TRIB1: variants seen among roughly 807,000 people sequenced by gnomAD.
The protein encoded by TRIB1 is tribbles pseudokinase 1, also known as tribbles homolog 1.
TRIB1 carries 12 observed loss-of-function variants against 27.8 expected under a neutral mutation model. The ratio of observed to expected loss-of-function variants is 0.43; its 90% CI spans 0.28 to 0.70. The LOEUF is 0.70. Ranked by LOEUF, TRIB1 falls within the 30% of genes least tolerant of loss-of-function variation. The probability of loss-of-function intolerance (pLI) is 0.18; values close to 1 mark genes in which losing one functional copy is unlikely to be tolerated. For missense variants in TRIB1, 475 were observed against 515.8 expected (o/e 0.92, Z 0.77); for synonymous variants, 230 against 224.9 (o/e 1.02, Z -0.20).
At position 125,431,065 on chromosome 8, in the gene TRIB1, A is replaced by G; in HGVS notation, c.163A>G (p.Ser55Gly). The part of the protein sequence containing the change: ...AKCPRLSECS[S>G]PPDYLSPPGS... ...GTGCCCGCGCCTCTCCGAGTGCTCCAGCCCCCCGGACTACCTCAGCCCCCC... is the reference window on the plus strand; with the variant it reads ...GTGCCCGCGCCTCTCCGAGTGCTCCGGCCCCCCGGACTACCTCAGCCCCCC... Residue 55 changes from serine to glycine, a missense_variant, in exon 1 of 3, where the codon AGC becomes GGC. Physicochemically the swap from Ser to Gly is moderately conservative, Grantham distance 56. Transcript: ENST00000311922. 7.0e-7 allele frequency: 1 copy of G among 1,436,826 alleles called. No individual in the cohort carries two copies. The highest frequency in any genetic ancestry group is 9.1e-7 in the Non-Finnish European group (1 of 1,102,258). The allele number at this position is 1,436,826 out of a possible 1,614,324, so 89.0% of individuals were successfully genotyped here.
intron 1 of TRIB1, chr8:125,432,350 G>A: frequency 1.3e-6 from 1 of 764,578 alleles, no homozygotes; most frequent in Non-Finnish European, 1.6e-6. Context: ...GGGATGGGAT[G>A]GGATGGGGTG....
rs1410324601 is a variant in TRIB1 at position 125,436,407 on chromosome 8, G to A, written c.1055G>A (p.Gly352Glu). The part of the protein sequence containing the change: ...LEPGYIDSEI[G>E]TSDQIVPEYQ... ...CCCGGGTACATCGACTCAGAAATAG[G>A]AACTTCAGACCAGATTGTTCCAGAG... Residue 352 changes from glycine to glutamate, a missense_variant, in exon 3 of 3, where the codon GGA (glycine) becomes GAA (glutamate). Transcript: ENST00000311922. 6.2e-7 allele frequency: 1 copy of A among 1,613,698 alleles called. No individual in the cohort carries two copies. Among genetic ancestry groups the A allele is most frequent in the Non-Finnish European group, 8.5e-7 (1 of 1,180,026 alleles).
At chr8:125,432,032 C>G (rs900540304) in intron 1 of TRIB1, among the ~76,000 whole-genome samples, 2 of 152,186 alleles carry the variant, frequency 1.3e-5, no homozygotes, top group Non-Finnish European at 2.9e-5. Flanking sequence ...AGAACGTTCC[C>G]ACAGTCTACT....
Position 125,433,664 on chromosome 8 carries a change from A to G in TRIB1, c.653+55A>G. On this transcript the variant is annotated intron_variant, in intron 2 of 2. Transcript: ENST00000311922. The surrounding 1 kb of genome is among the most constrained non-coding windows in gnomAD (Gnocchi z 4.4). Reference sequence around the variant, plus strand: ...CCTTTTGGAACCAAAGCGGAGGTGCAGGTCATGTAGTTAGGTGCTGTGTGT... The same window carrying G: ...CCTTTTGGAACCAAAGCGGAGGTGCGGGTCATGTAGTTAGGTGCTGTGTGT... 1.3e-6 allele frequency: 2 copies of G among 1,571,334 alleles called. No individual in the cohort carries two copies. The highest frequency in any genetic ancestry group is 1.7e-6 in the Non-Finnish European group (2 of 1,155,252).
At position 125,433,666 on chromosome 8, in the gene TRIB1, G is replaced by T. The variant is rs914954943; in HGVS notation, c.653+57G>T. ...TTTTGGAACCAAAGCGGAGGTGCAG[G>T]TCATGTAGTTAGGTGCTGTGTGTTG... On this transcript the variant is annotated intron_variant, in intron 2 of 2. Coordinates refer to ENST00000311922, the MANE Select transcript of TRIB1 (RefSeq NM_025195.4). The surrounding 1 kb of genome is among the most constrained non-coding windows in gnomAD (Gnocchi z 4.4). 1.3e-6 allele frequency: 2 copies of T among 1,570,338 alleles called. No homozygotes were observed. Among genetic ancestry groups the T allele is most frequent in the Non-Finnish European group, 1.7e-6 (2 of 1,154,662 alleles).
In TRIB1 at chr8:125,437,296, T is replaced by C. The variant is rs1814772426; in HGVS notation, c.*825T>C. On this transcript the variant is annotated 3_prime_UTR_variant, in exon 3 of 3. Coordinates refer to ENST00000311922, the MANE Select transcript of TRIB1 (RefSeq NM_025195.4). Reference sequence around the variant, plus strand: ...TAGCTTTTTAAGTTCCTTCCAAATATGTTAGTACCTACCCTTTACTTTTTC... The same window carrying C: ...TAGCTTTTTAAGTTCCTTCCAAATACGTTAGTACCTACCCTTTACTTTTTC... 6.6e-6 allele frequency: 1 copy of C among 152,392 alleles called. No individual in the cohort carries two copies. The highest frequency in any genetic ancestry group is 1.5e-5 in the Non-Finnish European group (1 of 68,060). The allele number at this position is 152,392 out of a possible 1,614,324, so 9.4% of individuals were successfully genotyped here.
chr8:125,436,705 ACTATCTCTG>A lies in TRIB1; in HGVS notation c.*237_*245del. ...TGTTTCCCTTAAGGAACCCTCACCA[ACTATCTCTG>A]CTGGATTTGGGAGTTCCGCATCTTT... On this transcript the variant is annotated 3_prime_UTR_variant, in exon 3 of 3. Coordinates refer to ENST00000311922, the MANE Select transcript of TRIB1 (RefSeq NM_025195.4). 2 of 575,806 alleles carry A rather than the reference ACTATCTCTG, an allele frequency of 3.5e-6. No homozygotes were observed. Among genetic ancestry groups the A allele is most frequent in the Non-Finnish European group, 6.2e-6 (2 of 324,180 alleles). The allele number at this position is 575,806 out of a possible 1,614,324, so 35.7% of individuals were successfully genotyped here.
At position 125,431,099 on chromosome 8, in the gene TRIB1, C is replaced by G; in HGVS notation, c.197C>G (p.Pro66Arg). 1 of 1,358,834 alleles carries G rather than the reference C, an allele frequency of 7.4e-7. No homozygotes were observed. Among genetic ancestry groups the G allele is most frequent in the Non-Finnish European group, 9.4e-7 (1 of 1,062,970 alleles). The allele number at this position is 1,358,834 out of a possible 1,614,324, so 84.2% of individuals were successfully genotyped here. ...PPDYLSPPGS[P>R]CSPQPPPAAP... ...GACTACCTCAGCCCCCCCGGCTCGCCCTGCAGCCCGCAGCCCCCGCCTGCC... is the reference window on the plus strand; with the variant it reads ...GACTACCTCAGCCCCCCCGGCTCGCGCTGCAGCCCGCAGCCCCCGCCTGCC... The change falls in exon 1 of 3, where the codon CCC (proline) becomes CGC (arginine). Residue 66 changes from proline (P) to arginine (R), a missense_variant. Coordinates refer to ENST00000311922, the MANE Select transcript of TRIB1 (RefSeq NM_025195.4).
Position 125,436,435 on chromosome 8 carries a change from C to T in TRIB1, c.1083C>T (p.Tyr361=). The T allele has an allele frequency of 1.2e-6, 2 of 1,613,998 alleles. No individual in the cohort carries two copies. The highest frequency in any genetic ancestry group is 8.5e-7 in the Non-Finnish European group (1 of 1,180,008). ...IGTSDQIVPE[Y]QEDSDISSFF... is the part of the protein sequence containing the mutation. The stretch of plus-strand genomic sequence containing the variant: ...CTTCAGACCAGATTGTTCCAGAGTA[C>T]CAGGAGGACAGTGACATTAGTTCCT... The change falls in exon 3 of 3, where the codon TAC becomes TAT. Residue 361 remains tyrosine (Y), a synonymous_variant. Coordinates refer to ENST00000311922, the MANE Select transcript of TRIB1 (RefSeq NM_025195.4).
rs1291470094 is a variant in TRIB1, at chr8:125,430,383, G to C, written c.-520G>C. 6.5e-6 allele frequency: 1 copy of C among 153,458 alleles called. No homozygotes were observed. Among genetic ancestry groups the C allele is most frequent in the African/African-American group, 2.4e-5 (1 of 41,474 alleles). 9.5% of individuals were successfully genotyped at this position (153,458 alleles called of 1,614,324 possible). A position where few individuals can be genotyped will look rare whatever the true frequency, so the allele number is the denominator to read the frequency against. On this transcript the variant is annotated 5_prime_UTR_variant, in exon 1 of 3. Transcript: ENST00000311922. Reference sequence around the variant, plus strand: ...ACACTCACTCACAGTCACTCTCTCTGAGCGCGTCTCGCTCGCTCTCATACA... The same window carrying C: ...ACACTCACTCACAGTCACTCTCTCTCAGCGCGTCTCGCTCGCTCTCATACA...
intron 2 of TRIB1, among the ~76,000 whole-genome samples, chr8:125,435,455 C>T (rs1407273208): frequency 6.6e-6 from 1 of 152,172 alleles, no homozygotes; most frequent in African/African-American, 2.4e-5. Flanking sequence ...ACAAAGTTTG[C>T]TCTGTGTGCA....
rs139480088 is a variant in TRIB1, at chr8:125,435,375, A to C, written c.654-631A>C. 1.5e-3 allele frequency among the ~76,000 whole-genome samples: 234 copies of C among 152,162 alleles called. 1 individual carries two copies. The highest frequency in any genetic ancestry group is 2.4e-3 in the Non-Finnish European group (163 of 67,988). ...GGCAAAGTGTTCTTTGCAGTTAAAC[A>C]CCCCAATAAATGTAATTAACATTCC... On this transcript the variant is annotated intron_variant, in intron 2 of 2. Transcript: ENST00000311922.
intron 1 of TRIB1, among the ~76,000 whole-genome samples, chr8:125,431,475 T>C (rs1353831266): frequency 6.6e-6 from 1 of 152,186 alleles, no homozygotes; most frequent in East Asian, 1.9e-4. Context: ...GGAAGTGCAG[T>C]GTTCAGTGGC....
Position 125,433,257 on chromosome 8 carries a change from G to A in TRIB1, c.361-60G>A. 6.5e-7 allele frequency: 1 copy of A among 1,547,424 alleles called. No homozygotes were observed. ...AGAACTTCTGTTCAGCTCCCTCAGG[G>A]GTTTGGGAGGCTGCCTTTGCTTTTC... On this transcript the variant is annotated intron_variant, in intron 1 of 2. Transcript: ENST00000311922. The surrounding 1 kb of genome is among the most constrained non-coding windows in gnomAD (Gnocchi z 4.4).
At position 125,433,254 on chromosome 8, in the gene TRIB1, A is replaced by T; in HGVS notation, c.361-63A>T. ...TTGAGAACTTCTGTTCAGCTCCCTC[A>T]GGGGTTTGGGAGGCTGCCTTTGCTT... On this transcript the variant is annotated intron_variant, in intron 1 of 2. Coordinates refer to ENST00000311922, the MANE Select transcript of TRIB1 (RefSeq NM_025195.4). The surrounding 1 kb of genome is among the most constrained non-coding windows in gnomAD (Gnocchi z 4.4). The T allele has an allele frequency of 6.5e-7, 1 of 1,536,330 alleles. No individual in the cohort carries two copies. The highest frequency in any genetic ancestry group is 8.9e-7 in the Non-Finnish European group (1 of 1,125,160).
At chr8:125,435,486 C>T (rs558956291) in intron 2 of TRIB1, among the ~76,000 whole-genome samples, 14 of 152,284 alleles carry the variant, frequency 9.2e-5, no homozygotes, top group South Asian at 8.3e-4. Context: ...TGGGCACCAG[C>T]GCTGATGACC....
chr8:125,434,857 C>T (rs944381664), intron 2 of TRIB1, among the ~76,000 whole-genome samples: 2 of 150,752 alleles, frequency 1.3e-5, no homozygotes, highest in African/African-American at 4.9e-5. Flanking sequence ...TACATAACGA[C>T]AGGGAGGTCA....
chr8:125,430,886 C>G lies in TRIB1; in HGVS notation c.-17C>G, dbSNP rs1476316848. 49 of 1,398,658 alleles carry G rather than the reference C, an allele frequency of 3.5e-5. No individual in the cohort carries two copies. Among genetic ancestry groups the G allele is most frequent in the Non-Finnish European group, 4.3e-5 (47 of 1,083,788 alleles). The allele number at this position is 1,398,658 out of a possible 1,614,324, so 86.6% of individuals were successfully genotyped here. On this transcript the variant is annotated 5_prime_UTR_variant, in exon 1 of 3. Coordinates refer to ENST00000311922, the MANE Select transcript of TRIB1 (RefSeq NM_025195.4). Reference sequence around the variant, plus strand: ...CCCGGGACTTAAAAAGCCGGGGCCACCCCGGCCCAGGACGGGATGCGGGTC... The same window carrying G: ...CCCGGGACTTAAAAAGCCGGGGCCAGCCCGGCCCAGGACGGGATGCGGGTC...
chr8:125,433,407 C>A lies in TRIB1; in HGVS notation c.451C>A (p.Leu151Ile). ...CATTACTGGCATTGTGGAAGTGATC[C>A]TTGGGGAAACCAAGGCCTATGTCTT... Reference protein sequence around the residue: ...SNITGIVEVILGETKAYVFFE... With the variant: ...SNITGIVEVIIGETKAYVFFE... Residue 151 changes from leucine (L) to isoleucine (I), a missense_variant, in exon 2 of 3, where the codon CTT becomes ATT. Transcript: ENST00000311922. This position sits in a 1 kb window ranked among gnomAD's most constrained non-coding sequence, Gnocchi z 4.4. The A allele has an allele frequency of 1.2e-6, 2 of 1,614,202 alleles. No individual in the cohort carries two copies. The highest frequency in any genetic ancestry group is 1.7e-6 in the Non-Finnish European group (2 of 1,180,022).
Sources: gnomAD v4.1 joint callset for allele counts (sites outside exome capture counted in the v4.1 genomes callset) on GRCh38, gnomAD v4.1.1 for gene constraint, Gnocchi (gnomAD v3.1) non-coding constraint, MANE v1.5 for transcripts, NCBI Gene and HGNC (gene_info 2026-07-23, HGNC 2026-07-21) for gene names.